The following ENOX1 variants were observed in gnomAD, a reference collection of about 807,000 sequenced individuals.
The protein encoded by ENOX1 is ecto-NOX disulfide-thiol exchanger 1, also known as candidate growth-related and time keeping constitutive hydroquinone (NADH) oxidase.
In ENOX1, 42 loss-of-function variants were observed where a neutral mutation model predicts 82.5. That is an observed-to-expected ratio of 0.51 (90% confidence interval 0.40 to 0.66). The LOEUF is 0.66. Ranked by LOEUF, ENOX1 falls within the 30% of genes least tolerant of loss-of-function variation. The pLI, the probability that ENOX1 is intolerant of heterozygous loss-of-function variation, is 0.00. For missense variants in ENOX1, 608 were observed against 811.6 expected (o/e 0.75, Z 3.05); for synonymous variants, 271 against 282.2 (o/e 0.96, Z 0.40).
At chr13:43,353,743 A>T (rs920337054) in intron 8 of ENOX1, among the ~76,000 whole-genome samples, 1 of 152,244 alleles carries the variant, frequency 6.6e-6, no homozygotes, top group Non-Finnish European at 1.5e-5. Context: ...AGTTCATTCT[A>T]CTGTAACAGC....
At chr13:43,523,120 G>A (rs1226244628) in intron 2 of ENOX1, among the ~76,000 whole-genome samples, 1 of 152,130 alleles carries the variant, frequency 6.6e-6, no homozygotes, top group Non-Finnish European at 1.5e-5. Flanking sequence ...CCCATCCTCT[G>A]CAAGAGTTGC....
chr13:43,732,566 T>C (rs142069497), intron 1 of ENOX1, among the ~76,000 whole-genome samples: 3 of 152,312 alleles, frequency 2.0e-5, no homozygotes, highest in Non-Finnish European at 2.9e-5. Flanking sequence ...AGAAGTGAAC[T>C]AGCTTCCCAC....
At chr13:43,654,448 G>A (rs2084338000) in intron 2 of ENOX1, among the ~76,000 whole-genome samples, 2 of 152,170 alleles carry the variant, frequency 1.3e-5, no homozygotes, top group Admixed American at 1.3e-4. Flanking sequence ...CTAATGTATA[G>A]ATAGACAGAT....
chr13:43,566,094 G>T (rs947138734), intron 2 of ENOX1, among the ~76,000 whole-genome samples: 1 of 152,188 alleles, frequency 6.6e-6, no homozygotes, highest in Admixed American at 6.5e-5. Context: ...CCTGAGCCAA[G>T]TTTCAACTAA....
chr13:43,620,522 T>C (rs1260924980), intron 2 of ENOX1, among the ~76,000 whole-genome samples: 2 of 152,150 alleles, frequency 1.3e-5, no homozygotes, highest in Non-Finnish European at 2.9e-5. Context: ...ATTCAGGAGC[T>C]GGTTATTTAA....
At chr13:43,780,065 G>T (rs1168100882) in intron 1 of ENOX1, among the ~76,000 whole-genome samples, 1 of 151,890 alleles carries the variant, frequency 6.6e-6, no homozygotes, top group Non-Finnish European at 1.5e-5. Flanking sequence ...GGAGACTGAG[G>T]CAGGAGAATG....
chr13:43,629,599 T>A (rs1594176221), intron 2 of ENOX1, among the ~76,000 whole-genome samples: 1 of 152,360 alleles, frequency 6.6e-6, no homozygotes, highest in East Asian at 1.9e-4. Flanking sequence ...AGTGGAATTC[T>A]GTATTTTTAA....
intron 1 of ENOX1, among the ~76,000 whole-genome samples, chr13:43,708,960 T>C (rs1036836158): frequency 1.3e-5 from 2 of 152,008 alleles, no homozygotes; most frequent in African/African-American, 4.8e-5. Context: ...AAAAAGCAAA[T>C]AGCCTGTCTA....
At chr13:43,234,663 G>C (rs1378474052) in intron 15 of ENOX1, among the ~76,000 whole-genome samples, 1 of 152,090 alleles carries the variant, frequency 6.6e-6, no homozygotes, top group Admixed American at 6.5e-5. Context: ...TAACACACTT[G>C]ATTTAACTAA....
At position 43,410,625 on chromosome 13, in the gene ENOX1, TACAC is replaced by T. The variant is rs60371956; in HGVS notation, c.208+1287_208+1290del. On this transcript the variant is annotated intron_variant, in intron 5 of 16. Transcript: ENST00000690772. ...ATACACATATACACATACACACATG[TACAC>T]ACACACACACACACACACACACATA... 3.3e-3 allele frequency among the ~76,000 whole-genome samples: 478 copies of T among 146,920 alleles called. 2 individuals are homozygous for T. The highest frequency in any genetic ancestry group is 0.011 in the African/African-American group (426 of 40,102).
At chr13:43,766,218 C>T (rs1951254420) in intron 1 of ENOX1, among the ~76,000 whole-genome samples, 1 of 152,150 alleles carries the variant, frequency 6.6e-6, no homozygotes, top group Non-Finnish European at 1.5e-5. Flanking sequence ...GTCCCTGATG[C>T]ACTAAAGGAC....
intron 1 of ENOX1, among the ~76,000 whole-genome samples, chr13:43,724,689 A>C (rs1184989179): frequency 6.6e-6 from 1 of 152,242 alleles, no homozygotes; most frequent in Admixed American, 6.5e-5. Context: ...TCAACTAAAA[A>C]GGAAAATGAA....
At chr13:43,411,699 G>A (rs527732299) in intron 5 of ENOX1, among the ~76,000 whole-genome samples, 1 of 152,330 alleles carries the variant, frequency 6.6e-6, no homozygotes, top group African/African-American at 2.4e-5. Flanking sequence ...ACTGTGTATA[G>A]CAATAACAGT....
chr13:43,472,184 A>T (rs1226025311), intron 3 of ENOX1, among the ~76,000 whole-genome samples: 1 of 152,172 alleles, frequency 6.6e-6, no homozygotes, highest in Non-Finnish European at 1.5e-5. Context: ...TATATGTAAA[A>T]AACAGTTCCT....
chr13:43,456,982 C>CG (rs2057263156), intron 3 of ENOX1, among the ~76,000 whole-genome samples: 2 of 6,362 alleles, frequency 3.1e-4, no homozygotes, highest in Non-Finnish European at 4.2e-3. Flanking sequence ...GTAGCCTCTC[C>CG]TCTGTTCTCT....
chr13:43,616,500 C>T (rs9533553), intron 2 of ENOX1, among the ~76,000 whole-genome samples: 8,511 of 151,660 alleles, frequency 0.056, 334 homozygotes, highest in Non-Finnish European at 0.083. Context: ...CCATACCCAG[C>T]CGACATATAA....
At chr13:43,589,717 C>T (rs1301819062) in intron 2 of ENOX1, among the ~76,000 whole-genome samples, 2 of 151,844 alleles carry the variant, frequency 1.3e-5, no homozygotes, top group Non-Finnish European at 2.9e-5. Context: ...ACTATGTTGC[C>T]CAGTTTAGTC....
intron 13 of ENOX1, among the ~76,000 whole-genome samples, chr13:43,268,280 A>G (rs961650774): frequency 6.6e-5 from 10 of 152,124 alleles, no homozygotes; most frequent in African/African-American, 2.2e-4. Context: ...GAGTCTTTTC[A>G]TAATATAACA....
In ENOX1 at chr13:43,359,842, G is replaced by A. The variant is rs1490162783; in HGVS notation, c.589+9C>T. ...ATGCCTAGAAAACTCCTTATGTAATGCAAAGTACCAGAAAGGTAAATGGCT... is the reference window on the plus strand; with the variant it reads ...ATGCCTAGAAAACTCCTTATGTAATACAAAGTACCAGAAAGGTAAATGGCT... On this transcript the variant is annotated intron_variant, in intron 7 of 16. Transcript: ENST00000690772. 2.5e-6 allele frequency: 4 copies of A among 1,612,802 alleles called. No individual in the cohort carries two copies. Among genetic ancestry groups the A allele is most frequent in the Non-Finnish European group, 2.5e-6 (3 of 1,179,006 alleles).
Sources: gnomAD v4.1 joint callset for allele counts (sites outside exome capture counted in the v4.1 genomes callset) on GRCh38, gnomAD v4.1.1 for gene constraint, MANE v1.5 for transcripts, NCBI Gene and HGNC (gene_info 2026-07-23, HGNC 2026-07-21) for gene names.